GTPBP2: variants seen among roughly 807,000 people sequenced by gnomAD.
GTPBP2 encodes GTP binding protein 2.
Under a neutral mutation model 63.0 loss-of-function variants are expected in GTPBP2, and 32 were observed. That is an observed-to-expected ratio of 0.51 (90% confidence interval 0.38 to 0.68). The LOEUF (loss-of-function observed/expected upper bound fraction) is 0.68. Among genes scored for constraint, GTPBP2 ranks in the 30% least tolerant of loss-of-function variants. The pLI is 0.00. For missense variants in GTPBP2, 492 were observed against 796.9 expected (o/e 0.62, Z 4.61); for synonymous variants, 310 against 322.6 (o/e 0.96, Z 0.42).
chr6:43,622,617 C>T lies in GTPBP2; in HGVS notation c.1467+16G>A. 1.9e-6 allele frequency: 3 copies of T among 1,604,234 alleles called. No individual in the cohort carries two copies. The highest frequency in any genetic ancestry group is 2.6e-6 in the Non-Finnish European group (3 of 1,172,064). Reference sequence around the variant, plus strand: ...TTCTCTTAGCGTTCCCTCCCCAACCCATGCACCCACCTCACCTTGCGAAGC... The same window carrying T: ...TTCTCTTAGCGTTCCCTCCCCAACCTATGCACCCACCTCACCTTGCGAAGC... On this transcript the variant is annotated intron_variant, in intron 10 of 11. Coordinates refer to ENST00000307126, the MANE Select transcript of GTPBP2 (RefSeq NM_019096.5). This position sits in a 1 kb window ranked among gnomAD's most constrained non-coding sequence, Gnocchi z 5.4.
Position 43,621,804 on chromosome 6 carries a change from G to C in GTPBP2, c.1633-14C>G, listed in dbSNP as rs1473483439. ...CCGCAGTTTGTCCTGCAGCAAATAA[G>C]TGGTCACTCCCCTGGCCAGTGCCTT... On this transcript the variant is annotated splice_polypyrimidine_tract_variant and intron_variant, in intron 11 of 11. Coordinates refer to ENST00000307126, the MANE Select transcript of GTPBP2 (RefSeq NM_019096.5). 6.2e-7 allele frequency: 1 copy of C among 1,614,046 alleles called. No individual in the cohort carries two copies. The highest frequency in any genetic ancestry group is 1.3e-5 in the African/African-American group (1 of 74,926).
At chr6:43,623,116 C>T (rs1170641991) in intron 9 of GTPBP2, 3 of 299,610 alleles carry the variant, frequency 1.0e-5, no homozygotes, top group Admixed American at 4.6e-5. Context: ...TTAGGCCAGC[C>T]GCGTTGGCTC....
upstream of GTPBP2, chr6:43,629,459 A>G: frequency 1.8e-6 from 1 of 567,682 alleles, no homozygotes; most frequent in Admixed American, 3.5e-5. Context: ...GTGGGGAAGG[A>G]GCGCGCCTTG....
At position 43,625,060 on chromosome 6, in the gene GTPBP2, C is replaced by A; in HGVS notation, c.708G>T (p.Val236=). The A allele has an allele frequency of 6.2e-7, 1 of 1,613,328 alleles. No individual in the cohort carries two copies. The change falls in exon 6 of 12, where the codon GTG becomes GTT. Residue 236 remains valine, a splice_region_variant and synonymous_variant. Coordinates refer to ENST00000307126, the MANE Select transcript of GTPBP2 (RefSeq NM_019096.5). The surrounding 1 kb of genome is among the most constrained non-coding windows in gnomAD (Gnocchi z 5.1). The part of the protein sequence containing the change: ...EILGFNSKGE[V]VNYSDSRTAE... ...CTGTCCGTGAGTCGCTGTAATTCACCACCTGGCCCAGGGCCCAGGGCCCTC... is the reference window on the plus strand; with the variant it reads ...CTGTCCGTGAGTCGCTGTAATTCACAACCTGGCCCAGGGCCCAGGGCCCTC...
In GTPBP2 at chr6:43,625,987, C is replaced by T. The variant is rs149468131; in HGVS notation, c.399-123G>A. 4.1e-4 allele frequency: 315 copies of T among 777,400 alleles called. 2 individuals carry two copies. Among genetic ancestry groups the T allele is most frequent in the African/African-American group, 4.0e-3 (233 of 58,772 alleles). 48.2% of individuals were successfully genotyped at this position (777,400 alleles called of 1,614,324 possible). A position where few individuals can be genotyped will look rare whatever the true frequency, so the allele number is the denominator to read the frequency against. On this transcript the variant is annotated intron_variant, in intron 3 of 11. Coordinates refer to ENST00000307126, the MANE Select transcript of GTPBP2 (RefSeq NM_019096.5). The surrounding 1 kb of genome is among the most constrained non-coding windows in gnomAD (Gnocchi z 5.1). ...CCCAATACCTTAGTGCACTTCCTAC[C>T]ACCCTCCAATCTATTCCTCATTCAC...
At chr6:43,630,332 A>G (rs1439711063), upstream of GTPBP2, among the ~76,000 whole-genome samples, 2 of 152,246 alleles carry the variant, frequency 1.3e-5, no homozygotes, top group East Asian at 1.9e-4. Context: ...GCTGCGAGTC[A>G]GGACGCTAGG....
At chr6:43,628,853 C>A in intron 1 of GTPBP2, 124 bp downstream of exon 1, 1 of 1,069,604 alleles carries the variant, frequency 9.3e-7, no homozygotes, top group South Asian at 1.3e-5. Flanking sequence ...GTTCTCCTCC[C>A]GTGCCCCTCC....
At chr6:43,629,433 G>A (rs181994882), upstream of GTPBP2, 76 of 563,856 alleles carry the variant, frequency 1.3e-4, 1 homozygote, top group East Asian at 2.2e-3. Context: ...AAGTGGCCGC[G>A]GGAGTCGTCG....
chr6:43,626,817 A>C lies in GTPBP2; in HGVS notation c.213+105T>G. 1.0e-6 allele frequency: 1 copy of C among 955,038 alleles called. No individual in the cohort carries two copies. Among genetic ancestry groups the C allele is most frequent in the Non-Finnish European group, 1.6e-6 (1 of 630,190 alleles). 59.2% of individuals were successfully genotyped at this position (955,038 alleles called of 1,614,324 possible). A position where few individuals can be genotyped will look rare whatever the true frequency, so the allele number is the denominator to read the frequency against. ...CACTCCAGCCTAGGCAACAAGAGCAAAACTTCATCTCAAAAAAAAAAAAGA... is the reference window on the plus strand; with the variant it reads ...CACTCCAGCCTAGGCAACAAGAGCACAACTTCATCTCAAAAAAAAAAAAGA... On this transcript the variant is annotated intron_variant, in intron 2 of 11. Transcript: ENST00000307126. The surrounding 1 kb of genome is among the most constrained non-coding windows in gnomAD (Gnocchi z 4.0).
At chr6:43,627,194 G>GA (rs1327061652) in intron 1 of GTPBP2, 1 of 835,562 alleles carries the variant, frequency 1.2e-6, no homozygotes, top group Non-Finnish European at 1.6e-6. Context: ...ACAGAACACT[G>GA]AATCAATCCA....
Position 43,625,006 on chromosome 6 carries a change from C to T in GTPBP2, c.762G>A (p.Lys254=). ...CTGCCAGGTCGATGAAGGTGATCAT[C>T]TTGGAGCTGCTCTCACAGATCTCTT... ...TAEEICESSS[K]MITFIDLAGH... Residue 254 remains lysine, a synonymous_variant, in exon 6 of 12, where the codon AAG becomes AAA. Coordinates refer to ENST00000307126, the MANE Select transcript of GTPBP2 (RefSeq NM_019096.5). This position sits in a 1 kb window ranked among gnomAD's most constrained non-coding sequence, Gnocchi z 5.1. The T allele has an allele frequency of 6.2e-7, 1 of 1,614,022 alleles. No homozygotes were observed. The highest frequency in any genetic ancestry group is 8.5e-7 in the Non-Finnish European group (1 of 1,180,018).
chr6:43,623,975 G>A lies in GTPBP2; in HGVS notation c.1194C>T (p.Ser398=). The A allele has an allele frequency of 6.2e-7, 1 of 1,614,148 alleles. No homozygotes were observed. The highest frequency in any genetic ancestry group is 1.7e-5 in the Admixed American group (1 of 60,022). ...FLNILPPLTN[S]KEQEELMQQL... is the part of the protein sequence containing the mutation. ...GCTGCATGAGTTCCTCCTGCTCTTT[G>A]CTGTTGGTGAGTGGCGGCAGAATAT... Residue 398 remains serine, a synonymous_variant, in exon 8 of 12, where the codon AGC becomes AGT. Coordinates refer to ENST00000307126, the MANE Select transcript of GTPBP2 (RefSeq NM_019096.5).
rs1480822623 is a variant in GTPBP2, at chr6:43,625,838, C to T, written c.425G>A (p.Arg142Gln). 2.5e-6 allele frequency: 4 copies of T among 1,614,012 alleles called. No homozygotes were observed. The highest frequency in any genetic ancestry group is 3.4e-6 in the Non-Finnish European group (4 of 1,179,938). Residue 142 changes from arginine to glutamine, a missense_variant, in exon 4 of 12, where the codon CGA becomes CAA. By Grantham distance (43) the Arg-to-Gln change is conservative. Coordinates refer to ENST00000307126, the MANE Select transcript of GTPBP2 (RefSeq NM_019096.5). This position sits in a 1 kb window ranked among gnomAD's most constrained non-coding sequence, Gnocchi z 5.1. ...GCTATCATAATCCACTTCTCGCTCT[C>T]GAAGAACGGTTATGTCTGCCCCAAC... The part of the protein sequence containing the change: ...EKVGADITVL[R>Q]EREVDYDSDM...
Position 43,625,420 on chromosome 6 carries a change from C to A in GTPBP2, c.648G>T (p.Gln216His), listed in dbSNP as rs951334686. 1.9e-6 allele frequency: 3 copies of A among 1,614,132 alleles called. No individual in the cohort carries two copies. The highest frequency in any genetic ancestry group is 2.5e-6 in the Non-Finnish European group (3 of 1,180,040). Reference sequence around the variant, plus strand: ...AGCTGATGCTGGAGGTTCGGCCAGACTGAATCTCATGCAGGTGGCGGAAAA... The same window carrying A: ...AGCTGATGCTGGAGGTTCGGCCAGAATGAATCTCATGCAGGTGGCGGAAAA... The part of the protein sequence containing the change: ...LNLFRHLHEI[Q>H]SGRTSSISFE... Residue 216 changes from glutamine (Q) to histidine (H), a missense_variant, in exon 5 of 12, where the codon CAG becomes CAT. By Grantham distance (24) the Gln-to-His change is conservative. Coordinates refer to ENST00000307126, the MANE Select transcript of GTPBP2 (RefSeq NM_019096.5). This position sits in a 1 kb window ranked among gnomAD's most constrained non-coding sequence, Gnocchi z 5.1.
rs991875700 is a variant in GTPBP2 at position 43,621,334 on chromosome 6, C to T, written c.*280G>A. The T allele has an allele frequency of 1.7e-5, 20 of 1,152,792 alleles. No individual in the cohort carries two copies. Among genetic ancestry groups the T allele is most frequent in the East Asian group, 6.5e-5 (2 of 30,690 alleles). 71.4% of individuals were successfully genotyped at this position (1,152,792 alleles called of 1,614,324 possible). A position where few individuals can be genotyped will look rare whatever the true frequency, so the allele number is the denominator to read the frequency against. ...ATTGATGAGTGGATCCAGTCAGCTC[C>T]GGCAGACAGGCCACAGGGTTGCCAG... On this transcript the variant is annotated 3_prime_UTR_variant, in exon 12 of 12. Transcript: ENST00000307126.
At chr6:43,628,682 T>A (rs1180076449) in intron 1 of GTPBP2, 1 of 722,926 alleles carries the variant, frequency 1.4e-6, no homozygotes, top group Non-Finnish European at 2.3e-6. Context: ...ACGCAGTTGG[T>A]CGGGGTGCTC....
upstream of GTPBP2, chr6:43,629,587 A>T (rs559190381): frequency 3.8e-5 from 28 of 735,524 alleles, no homozygotes; most frequent in African/African-American, 3.0e-4. Context: ...CGAGGACACC[A>T]GCGTAGAAGA....
At chr6:43,631,162 G>T (rs1188344130), upstream of GTPBP2, among the ~76,000 whole-genome samples, 1 of 152,150 alleles carries the variant, frequency 6.6e-6, no homozygotes, top group African/African-American at 2.4e-5. Context: ...CTGCAAAAGG[G>T]CCTAGCTGAC....
In GTPBP2 at chr6:43,625,434, G is replaced by T. The variant is rs375268148; in HGVS notation, c.634C>A (p.Leu212Met). The part of the protein sequence containing the change: ...GRARLNLFRH[L>M]HEIQSGRTSS... ...GTTCGGCCAGACTGAATCTCATGCA[G>T]GTGGCGGAAAAGGTTGAGCCGAGCC... The change falls in exon 5 of 12, where the codon CTG becomes ATG. Residue 212 changes from leucine to methionine, a missense_variant. Coordinates refer to ENST00000307126, the MANE Select transcript of GTPBP2 (RefSeq NM_019096.5). The surrounding 1 kb of genome is among the most constrained non-coding windows in gnomAD (Gnocchi z 5.1). 2 of 1,614,106 alleles carry T rather than the reference G, an allele frequency of 1.2e-6. No homozygotes were observed. Among genetic ancestry groups the T allele is most frequent in the Non-Finnish European group, 8.5e-7 (1 of 1,180,026 alleles).
Sources: allele counts gnomAD v4.1 joint callset (sites outside exome capture counted in the v4.1 genomes callset), GRCh38; gene constraint gnomAD v4.1.1; non-coding constraint Gnocchi (gnomAD v3.1); transcripts MANE v1.5; gene names NCBI Gene and HGNC (gene_info 2026-07-23, HGNC 2026-07-21).